IPO9: variants seen among roughly 807,000 people sequenced by gnomAD.
IPO9 encodes importin 9.
A neutral mutation model predicts 128.6 loss-of-function variants in IPO9; 28 were observed. That is an observed-to-expected ratio of 0.22 (90% CI 0.16 to 0.30). The LOEUF is 0.30. Among genes scored for constraint, IPO9 ranks in the 10% least tolerant of loss-of-function variants. The pLI is 1.00. For synonymous variants in IPO9, 455 were observed against 475.8 expected (o/e 0.96, Z 0.57); for missense variants, 935 against 1,293.9 (o/e 0.72, Z 4.26).
chr1:201,876,701 A>C lies in IPO9; in HGVS notation c.*647A>C, dbSNP rs1053303962. The stretch of plus-strand genomic sequence containing the variant: ...TTCCCCTCAAGCTGTTCCTATATAT[A>C]CATGCACACACAAAATAAGCCAGAC... On this transcript the variant is annotated 3_prime_UTR_variant, in exon 24 of 24. Transcript: ENST00000361565. 6.6e-6 allele frequency: 1 copy of C among 151,796 alleles called. No homozygotes were observed. Among genetic ancestry groups the C allele is most frequent in the Non-Finnish European group, 1.5e-5 (1 of 67,978 alleles). The allele number at this position is 151,796 out of a possible 1,614,324, so 9.4% of individuals were successfully genotyped here.
Position 201,875,237 on chromosome 1 carries a change from G to T in IPO9, c.3015+9G>T, listed in dbSNP as rs771220994. On this transcript the variant is annotated intron_variant, in intron 23 of 23. Coordinates refer to ENST00000361565, the MANE Select transcript of IPO9 (RefSeq NM_018085.5). ...ATCAGATTGATCTGCAGGTGAGGGTGTCCAGAGATATCTTGCAAATGACAA... is the reference window on the plus strand; with the variant it reads ...ATCAGATTGATCTGCAGGTGAGGGTTTCCAGAGATATCTTGCAAATGACAA... 18 of 1,609,730 alleles carry T rather than the reference G, an allele frequency of 1.1e-5. No individual in the cohort carries two copies. Among genetic ancestry groups the T allele is most frequent in the Non-Finnish European group, 1.5e-5 (18 of 1,176,066 alleles).
chr1:201,847,337 T>A lies in IPO9; in HGVS notation c.222T>A (p.Arg74=), dbSNP rs144012335. The A allele has an allele frequency of 5.3e-5, 86 of 1,613,668 alleles. No individual in the cohort carries two copies. In the African/African-American group the frequency reaches 1.1e-3, roughly 20 times the overall value. The part of the protein sequence containing the change: ...TVDPQGALAI[R]QLASVILKQY... ...ATCCCCAGGGGGCACTGGCAATCCG[T>A]CAGGTAAGTCCAGACTGGCCCAATT... Residue 74 remains arginine (R), a synonymous_variant, in exon 2 of 24, where the codon CGT becomes CGA. Transcript: ENST00000361565.
At chr1:201,851,270 A>G (rs1365638959) in intron 4 of IPO9, among the ~76,000 whole-genome samples, 3 of 150,440 alleles carry the variant, frequency 2.0e-5, no homozygotes, top group Admixed American at 6.6e-5. Context: ...TCCTGCCTCA[A>G]CCTCCCAAAG....
chr1:201,841,202 T>G (rs1680029756), intron 1 of IPO9, among the ~76,000 whole-genome samples: 1 of 152,164 alleles, frequency 6.6e-6, no homozygotes, highest in Non-Finnish European at 1.5e-5. Flanking sequence ...AAAATAGTAT[T>G]TACAAATAGT....
chr1:201,858,903 C>T lies in IPO9; in HGVS notation c.1377C>T (p.Ala459=), dbSNP rs1224710738. 3 of 1,611,320 alleles carry T rather than the reference C, an allele frequency of 1.9e-6. No individual in the cohort carries two copies. Among genetic ancestry groups the T allele is most frequent in the Non-Finnish European group, 1.7e-6 (2 of 1,177,856 alleles). ...TGCTTGCCCTAGGCTCAGTGAAGGC[C>T]ATCATCACTGACAGTGTGAAAAATG... is the stretch of plus-strand genomic sequence containing the variant. ...ACMLALGSVK[A]IITDSVKNGR... is the part of the protein sequence containing the mutation. The change falls in exon 13 of 24, where the codon GCC becomes GCT. Residue 459 remains alanine, a synonymous_variant. Coordinates refer to ENST00000361565, the MANE Select transcript of IPO9 (RefSeq NM_018085.5).
intron 13 of IPO9, among the ~76,000 whole-genome samples, chr1:201,862,787 C>T (rs1156239548): frequency 2.7e-5 from 2 of 74,898 alleles, no homozygotes; most frequent in African/African-American, 1.1e-4. Context: ...GCCTGGGCAA[C>T]AAGAATGAAA....
chr1:201,850,146 A>G (rs1336973687), intron 4 of IPO9, among the ~76,000 whole-genome samples: 2 of 152,242 alleles, frequency 1.3e-5, no homozygotes, highest in Admixed American at 6.5e-5. Flanking sequence ...CAGTGAGATC[A>G]CTTTTCTGCC....
Position 201,870,752 on chromosome 1 carries a change from C to G in IPO9, c.2303C>G (p.Ser768Cys), listed in dbSNP as rs1277428899. The change falls in exon 18 of 24, where the codon TCC becomes TGC. Residue 768 changes from serine (S) to cysteine (C), a missense_variant. Physicochemically the swap from Ser to Cys is moderately radical, Grantham distance 112. This residue lies in a region of IPO9 where 741 missense variants were observed against 1,019.1 expected (regional missense o/e 0.73). Coordinates refer to ENST00000361565, the MANE Select transcript of IPO9 (RefSeq NM_018085.5). The surrounding 1 kb of genome is among the most constrained non-coding windows in gnomAD (Gnocchi z 4.9). ...GCGGCCTTTGTGGGCCGCCTTGTTT[C>G]CACCCTCATCTCCAAGGCAGGGCGG... ...FTAAFVGRLV[S>C]TLISKAGREL... The G allele has an allele frequency of 1.2e-6, 2 of 1,614,184 alleles. No homozygotes were observed. Among genetic ancestry groups the G allele is most frequent in the African/African-American group, 2.7e-5 (2 of 75,036 alleles).
intron 4 of IPO9, among the ~76,000 whole-genome samples, chr1:201,851,703 A>G (rs1680221515): frequency 6.6e-6 from 1 of 152,192 alleles, no homozygotes; most frequent in African/African-American, 2.4e-5. Flanking sequence ...CAGCTTGCCA[A>G]GCGAAAGTAC....
intron 1 of IPO9, among the ~76,000 whole-genome samples, chr1:201,834,778 C>A (rs1180977082): frequency 6.6e-6 from 1 of 152,184 alleles, no homozygotes; most frequent in East Asian, 1.9e-4. Context: ...TCCCTTCTAC[C>A]ACCATTATGT....
chr1:201,867,077 G>A (rs1558223786), intron 15 of IPO9, 118 bp downstream of exon 15: 13 of 813,068 alleles, frequency 1.6e-5, no homozygotes, highest in Non-Finnish European at 2.4e-5. Context: ...TTTTAACATC[G>A]TAAGCAAAGA....
At chr1:201,867,523 A>G (rs977941819) in intron 15 of IPO9, among the ~76,000 whole-genome samples, 2 of 152,118 alleles carry the variant, frequency 1.3e-5, no homozygotes, top group East Asian at 1.9e-4. Context: ...AAATGAAAAG[A>G]TACTTTTCCC....
rs753778855 is a variant in IPO9 at position 201,854,722 on chromosome 1, CT to C, written c.810+10del. 6.2e-7 allele frequency: 1 copy of C among 1,612,770 alleles called. No individual in the cohort carries two copies. Among genetic ancestry groups the C allele is most frequent in the Non-Finnish European group, 8.5e-7 (1 of 1,179,642 alleles). On this transcript the variant is annotated intron_variant, in intron 7 of 23. Coordinates refer to ENST00000361565, the MANE Select transcript of IPO9 (RefSeq NM_018085.5). Reference sequence around the variant, plus strand: ...AAGATGGAGGTCCTAAAGGTAAACACTTACTACCAATGAAATATTTGGAGTT... The same window carrying C: ...AAGATGGAGGTCCTAAAGGTAAACACTACTACCAATGAAATATTTGGAGTT...
chr1:201,845,949 G>C (rs1030318187), intron 1 of IPO9, among the ~76,000 whole-genome samples: 2 of 152,082 alleles, frequency 1.3e-5, no homozygotes, highest in African/African-American at 4.8e-5. Flanking sequence ...TTAGATCTAA[G>C]TTCTAATTTG....
At position 201,877,845 on chromosome 1, in the gene IPO9, A is replaced by C. The variant is rs993471177; in HGVS notation, c.*1791A>C. 2.6e-5 allele frequency: 4 copies of C among 152,048 alleles called. No individual in the cohort carries two copies. The highest frequency in any genetic ancestry group is 4.8e-5 in the African/African-American group (2 of 41,348). The allele number at this position is 152,048 out of a possible 1,614,324, so 9.4% of individuals were successfully genotyped here. A position where few individuals can be genotyped will look rare whatever the true frequency, so the allele number is the denominator to read the frequency against. ...AGGCTGAGACAGGAGAATCGCTTGA[A>C]CCTGGGAGGCAGAGGTTGCAGTAAG... On this transcript the variant is annotated 3_prime_UTR_variant, in exon 24 of 24. Coordinates refer to ENST00000361565, the MANE Select transcript of IPO9 (RefSeq NM_018085.5).
At chr1:201,863,677 T>G in intron 14 of IPO9, 70 bp downstream of exon 14, 1 of 1,381,608 alleles carries the variant, frequency 7.2e-7, no homozygotes, top group South Asian at 1.5e-5. Flanking sequence ...ATCACAGTTT[T>G]CCAGTGTATT....
rs1680936663 is a variant in IPO9 at position 201,883,981 on chromosome 1, C to T, written c.*7927C>T. 1 of 152,222 alleles carries T rather than the reference C, an allele frequency of 6.6e-6. No individual in the cohort carries two copies. Among genetic ancestry groups the T allele is most frequent in the Admixed American group, 6.5e-5 (1 of 15,284 alleles). 9.4% of individuals were successfully genotyped at this position (152,222 alleles called of 1,614,324 possible). ...CTCTGCCAGTTCTAACTTGGGGATTCTAGTGGGTTGAACCGAACGGTAGTC... is the reference window on the plus strand; with the variant it reads ...CTCTGCCAGTTCTAACTTGGGGATTTTAGTGGGTTGAACCGAACGGTAGTC... On this transcript the variant is annotated 3_prime_UTR_variant, in exon 24 of 24. Coordinates refer to ENST00000361565, the MANE Select transcript of IPO9 (RefSeq NM_018085.5).
At position 201,876,018 on chromosome 1, in the gene IPO9, C is replaced by T. The variant is rs750772011; in HGVS notation, c.3090C>T (p.Asp1030=). ...TAATGTTTTCAGGCCACCTTAATGACAATGAGAGGCGAGTTCTACAGACCA... is the reference window on the plus strand; with the variant it reads ...TAATGTTTTCAGGCCACCTTAATGATAATGAGAGGCGAGTTCTACAGACCA... ...CYIMFSGHLN[D]NERRVLQTIG... Residue 1030 remains aspartate (D), a synonymous_variant, in exon 24 of 24, where the codon GAC becomes GAT. Coordinates refer to ENST00000361565, the MANE Select transcript of IPO9 (RefSeq NM_018085.5). 3.1e-6 allele frequency: 5 copies of T among 1,613,530 alleles called. No individual in the cohort carries two copies. Among genetic ancestry groups the T allele is most frequent in the Non-Finnish European group, 4.2e-6 (5 of 1,179,530 alleles).
chr1:201,871,868 G>A (rs1388904599), intron 19 of IPO9, among the ~76,000 whole-genome samples: 1 of 152,154 alleles, frequency 6.6e-6, no homozygotes, highest in Non-Finnish European at 1.5e-5. Flanking sequence ...TCTGGTCTCT[G>A]TTTACAAGAG....
Sources: allele counts gnomAD v4.1 joint callset (sites outside exome capture counted in the v4.1 genomes callset), GRCh38; gene constraint gnomAD v4.1.1; regional missense constraint gnomAD v4.1.1; non-coding constraint Gnocchi (gnomAD v3.1); transcripts MANE v1.5; gene names NCBI Gene and HGNC (gene_info 2026-07-23, HGNC 2026-07-21).